The following ABITRAM variants were observed in gnomAD, a reference collection of about 807,000 sequenced individuals.
ABITRAM encodes protein Abitram.
A neutral mutation model predicts 22.9 loss-of-function variants in ABITRAM; 19 were observed. The observed-to-expected ratio is 0.83, with a 90% CI of 0.58 to 1.22. ABITRAM has a LOEUF of 1.22. Ranked by LOEUF, ABITRAM falls within the 50% of genes most tolerant of loss-of-function variation. The pLI, the probability that ABITRAM is intolerant of heterozygous loss-of-function variation, is 0.00. For missense variants in ABITRAM, 215 were observed against 220.2 expected (o/e 0.98, Z 0.15); for synonymous variants, 70 against 73.9 (o/e 0.95, Z 0.27).
chr9:108,941,539 CA>C (rs1263184746), downstream of ABITRAM, among the ~76,000 whole-genome samples: 1 of 152,162 alleles, frequency 6.6e-6, no homozygotes, highest in Non-Finnish European at 1.5e-5. Flanking sequence ...AGGTTATTAA[CA>C]GAGCTGAGTG....
chr9:108,943,427 G>A (rs1830305326), downstream of ABITRAM, among the ~76,000 whole-genome samples: 1 of 152,182 alleles, frequency 6.6e-6, no homozygotes, highest in Non-Finnish European at 1.5e-5. Flanking sequence ...AGACTCGGAG[G>A]CACCTGTGTC....
At chr9:108,947,731 G>A (rs181670043) in intron 3 of ABITRAM, among the ~76,000 whole-genome samples, 18 of 152,306 alleles carry the variant, frequency 1.2e-4, no homozygotes, top group Admixed American at 7.8e-4. Flanking sequence ...CTGAAGGAAA[G>A]AAGGAAACTA....
In ABITRAM at chr9:108,935,625, T is replaced by C. The variant is rs766506970; in HGVS notation, c.80-13T>C. ...TTGATTTCAGCCACCAACAGACTCA[T>C]GTATTCTTCTAGATGTCAAAGGAAA... On this transcript the variant is annotated splice_polypyrimidine_tract_variant and intron_variant, in intron 1 of 5. Coordinates refer to ENST00000322940, the MANE Select transcript of ABITRAM (RefSeq NM_017832.4). 10 of 1,606,318 alleles carry C rather than the reference T, an allele frequency of 6.2e-6. 1 individual carries two copies. The South Asian group carries it at 1.1e-4, about 18-fold the overall frequency.
chr9:108,943,282 A>G (rs1191315242), downstream of ABITRAM, among the ~76,000 whole-genome samples: 2 of 152,144 alleles, frequency 1.3e-5, no homozygotes, highest in African/African-American at 4.8e-5. Flanking sequence ...TGGAAAATTA[A>G]TCATTCTACT....
downstream of ABITRAM, among the ~76,000 whole-genome samples, chr9:108,941,982 T>C (rs1830261221): frequency 6.6e-6 from 1 of 152,252 alleles, no homozygotes; most frequent in South Asian, 2.1e-4. Context: ...AAATAGATTC[T>C]TGGCTTCCTT....
rs1407325951 is a variant in ABITRAM at position 108,940,141 on chromosome 9, T to G, written c.*455T>G. Reference sequence around the variant, plus strand: ...TGGACTATTTTCAACTATAAACGAGTCAAAAATATATCATTAACCAAACAC... The same window carrying G: ...TGGACTATTTTCAACTATAAACGAGGCAAAAATATATCATTAACCAAACAC... On this transcript the variant is annotated 3_prime_UTR_variant, in exon 6 of 6. Transcript: ENST00000322940. 1 of 145,552 alleles carries G rather than the reference T, an allele frequency of 6.9e-6. No homozygotes were observed. Among genetic ancestry groups the G allele is most frequent in the African/African-American group, 2.4e-5 (1 of 41,186 alleles). 9.0% of individuals were successfully genotyped at this position (145,552 alleles called of 1,614,324 possible).
At position 108,934,480 on chromosome 9, in the gene ABITRAM, G is replaced by A. The variant is rs1830133330; in HGVS notation, c.-7G>A. ...GGAGGGCGGGGGTGGCGGCGCCGGA[G>A]GTCGCCATGGCTACCGAGCCCGAAG... On this transcript the variant is annotated 5_prime_UTR_variant, in exon 1 of 6. Transcript: ENST00000322940. The A allele has an allele frequency of 1.9e-6, 3 of 1,597,994 alleles. No homozygotes were observed. Among genetic ancestry groups the A allele is most frequent in the Non-Finnish European group, 2.6e-6 (3 of 1,173,818 alleles).
intron 1 of ABITRAM, 61 bp from the exon 2 acceptor site, chr9:108,935,577 G>A: frequency 1.6e-6 from 2 of 1,283,098 alleles, no homozygotes; most frequent in East Asian, 2.3e-5. Context: ...CCCAAAGAAA[G>A]TACCACATAG....
intron 3 of ABITRAM, among the ~76,000 whole-genome samples, chr9:108,949,152 A>C (rs970774864): frequency 1.3e-5 from 2 of 152,224 alleles, no homozygotes; most frequent in Non-Finnish European, 2.9e-5. Flanking sequence ...AGGGCTATAA[A>C]TCTGCCCAGG....
At chr9:108,948,129 A>G (rs1405641147) in intron 3 of ABITRAM, 3 of 1,565,536 alleles carry the variant, frequency 1.9e-6, no homozygotes, top group Non-Finnish European at 2.6e-6. Flanking sequence ...GAAAACATTT[A>G]TTACCCACTT....
chr9:108,945,647 T>G (rs1564118879), downstream of ABITRAM, among the ~76,000 whole-genome samples: 4 of 148,644 alleles, frequency 2.7e-5, no homozygotes, highest in South Asian at 4.2e-4. Flanking sequence ...TTTTTTGTTT[T>G]GTTTTTTTGT....
At chr9:108,938,521 G>A (rs1830214748) in intron 3 of ABITRAM, among the ~76,000 whole-genome samples, 1 of 152,124 alleles carries the variant, frequency 6.6e-6, no homozygotes, top group Non-Finnish European at 1.5e-5. Flanking sequence ...ACCATGCCAT[G>A]ACATTCAAAT....
rs28361176 is a variant in ABITRAM, at chr9:108,948,096, C to A, written c.262-2411C>A. On this transcript the variant is annotated intron_variant, in intron 3 of 3. Coordinates refer to the ABITRAM transcript ENST00000374624. ...AGGTAGGTACAGATGTAAGCATATA[C>A]ACATGATATAATAAATCATCTGGAA... 3.8e-5 allele frequency: 54 copies of A among 1,407,260 alleles called. 2 individuals carry two copies. The South Asian group carries it at 6.0e-4, about 16-fold the overall frequency. 87.2% of individuals were successfully genotyped at this position (1,407,260 alleles called of 1,614,324 possible). A position where few individuals can be genotyped will look rare whatever the true frequency, so the allele number is the denominator to read the frequency against.
intron 3 of ABITRAM, among the ~76,000 whole-genome samples, chr9:108,947,118 T>C (rs2132082109): frequency 6.7e-6 from 1 of 149,760 alleles, no homozygotes; most frequent in African/African-American, 2.4e-5. Flanking sequence ...TTTCTTTCTT[T>C]TTTTTTTTTT....
In ABITRAM at chr9:108,939,575, T is replaced by C. The variant is rs1013312982; in HGVS notation, c.435T>C (p.Val145=). 1 of 1,614,096 alleles carries C rather than the reference T, an allele frequency of 6.2e-7. No homozygotes were observed. The highest frequency in any genetic ancestry group is 1.3e-5 in the African/African-American group (1 of 75,028). Residue 145 remains valine, a synonymous_variant, in exon 6 of 6, where the codon GTT becomes GTC. Coordinates refer to ENST00000322940, the MANE Select transcript of ABITRAM (RefSeq NM_017832.4). Reference sequence around the variant, plus strand: ...CATCTACTGAAGGCTACATTGCAGTTGTGTTACCCAAATTTGAAGAAAGTA... The same window carrying C: ...CATCTACTGAAGGCTACATTGCAGTCGTGTTACCCAAATTTGAAGAAAGTA... ...EKPSTEGYIA[V]VLPKFEESKS...
intron 1 of ABITRAM, 138 bp downstream of exon 1, chr9:108,934,703 C>T (rs1031203034): frequency 1.2e-6 from 1 of 810,508 alleles, no homozygotes. Context: ...TTCTGTGTTC[C>T]GTCTAGCCCC....
At chr9:108,950,497 C>T (rs1344159937) in intron 3 of ABITRAM, 2 of 1,548,290 alleles carry the variant, frequency 1.3e-6, no homozygotes, top group Non-Finnish European at 8.7e-7. Context: ...TTTCTGCCTT[C>T]TTTTTCCAGA....
intron 3 of ABITRAM, chr9:108,950,424 G>A (rs1830526781): frequency 2.1e-6 from 3 of 1,430,294 alleles, no homozygotes; most frequent in Non-Finnish European, 9.4e-7. Context: ...TCCAATGATG[G>A]AAAATATGAT....
downstream of ABITRAM, chr9:108,942,471 C>T (rs1830270198): frequency 7.2e-6 from 3 of 413,924 alleles, no homozygotes; most frequent in South Asian, 1.2e-4. Context: ...TTCAAAATAG[C>T]TTCTTGTGGA....
Sources: allele counts gnomAD v4.1 joint callset (sites outside exome capture counted in the v4.1 genomes callset), GRCh38; gene constraint gnomAD v4.1.1; transcripts MANE v1.5; gene names NCBI Gene and HGNC (gene_info 2026-07-23, HGNC 2026-07-21).